The following UST variants were observed in gnomAD, a reference collection of about 807,000 sequenced individuals.
The protein encoded by UST is uronyl 2-sulfotransferase, also known as chondroitin sulfate 2-O-sulfotransferase.
UST carries 21 observed loss-of-function variants against 45.6 expected under a neutral mutation model. The ratio of observed to expected loss-of-function variants is 0.46; its 90% CI spans 0.33 to 0.66. UST has a LOEUF of 0.66. Ranked by LOEUF, UST falls within the 30% of genes least tolerant of loss-of-function variation. The pLI is 0.02. For synonymous variants in UST, 215 were observed against 200.6 expected, an observed-to-expected ratio of 1.07 and a Z score of -0.61; for missense variants, 463 against 512.4, an observed-to-expected ratio of 0.90 and a Z score of 0.93.
At chr6:148,867,418 C>T (rs1778464236) in intron 1 of UST, among the ~76,000 whole-genome samples, 1 of 151,948 alleles carries the variant, frequency 6.6e-6, no homozygotes, top group Non-Finnish European at 1.5e-5. Flanking sequence ...GAGTCATACC[C>T]ATGTTAAAAT....
At chr6:148,909,561 TA>T (rs943922353) in intron 2 of UST, among the ~76,000 whole-genome samples, 23 of 152,332 alleles carry the variant, frequency 1.5e-4, no homozygotes, top group African/African-American at 5.3e-4. Flanking sequence ...AGTTTTTGTT[TA>T]GTTTTTGTTT....
chr6:148,764,688 T>G (rs553289598), intron 1 of UST, among the ~76,000 whole-genome samples: 2 of 152,142 alleles, frequency 1.3e-5, no homozygotes, highest in South Asian at 2.1e-4. Flanking sequence ...TTATTAGCAG[T>G]TTTCAAAGGG....
intron 4 of UST, among the ~76,000 whole-genome samples, chr6:148,957,387 T>C (rs1201687316): frequency 6.6e-6 from 1 of 152,242 alleles, no homozygotes; most frequent in Non-Finnish European, 1.5e-5. Context: ...AAAATTTCTC[T>C]GTCAATATGC....
intron 1 of UST, among the ~76,000 whole-genome samples, chr6:148,773,340 A>T (rs946145808): frequency 6.6e-6 from 1 of 152,090 alleles, no homozygotes; most frequent in African/African-American, 2.4e-5. Flanking sequence ...AGATGCCTTT[A>T]ATCCCAGCTA....
At chr6:148,944,927 CA>C (rs1253685236) in intron 3 of UST, among the ~76,000 whole-genome samples, 1 of 151,824 alleles carries the variant, frequency 6.6e-6, no homozygotes, top group Non-Finnish European at 1.5e-5. Flanking sequence ...ATGTGATTGC[CA>C]AAAAAACACA....
Position 148,748,076 on chromosome 6 carries a change from T to G in UST, c.247+399T>G, listed in dbSNP as rs977316608. Among the ~76,000 whole-genome samples the G allele has an allele frequency of 3.3e-5, 5 of 152,018 alleles. No homozygotes were observed. In the East Asian group the frequency reaches 5.8e-4, roughly 18 times the overall value. On this transcript the variant is annotated intron_variant, in intron 1 of 7. Coordinates refer to ENST00000367463, the MANE Select transcript of UST (RefSeq NM_005715.3). The surrounding 1 kb of genome is among the most constrained non-coding windows in gnomAD (Gnocchi z 5.3). ...GAAGGGAAGGTCCTCTTCGTTGCATTGTTAGTGACCGCAGTTCAGTCCCGT... is the reference window on the plus strand; with the variant it reads ...GAAGGGAAGGTCCTCTTCGTTGCATGGTTAGTGACCGCAGTTCAGTCCCGT...
intron 5 of UST, among the ~76,000 whole-genome samples, chr6:149,011,331 C>T (rs368062428): frequency 2.6e-4 from 39 of 151,812 alleles, no homozygotes; most frequent in Non-Finnish European, 3.4e-4. Context: ...ATGGCAGTGG[C>T]GGGGAGAAGT....
intron 1 of UST, among the ~76,000 whole-genome samples, chr6:148,808,024 G>T (rs1469573800): frequency 6.6e-6 from 1 of 152,202 alleles, no homozygotes; most frequent in Admixed American, 6.5e-5. Flanking sequence ...CGGTGGGGAA[G>T]CCAGGGTGGG....
chr6:148,933,906 C>T (rs1451055205), intron 2 of UST, among the ~76,000 whole-genome samples: 14 of 152,164 alleles, frequency 9.2e-5, no homozygotes, highest in Non-Finnish European at 1.6e-4. Flanking sequence ...AAACTGGGAA[C>T]GCCTATGGAG....
intron 6 of UST, among the ~76,000 whole-genome samples, chr6:149,020,178 C>T (rs1443651861): frequency 1.3e-5 from 2 of 152,152 alleles, no homozygotes; most frequent in East Asian, 1.9e-4. Flanking sequence ...CGTTTTTAGG[C>T]GTATTGTTGT....
chr6:148,899,679 AAC>A (rs1476709873), intron 2 of UST, among the ~76,000 whole-genome samples: 2 of 152,276 alleles, frequency 1.3e-5, no homozygotes, highest in Non-Finnish European at 2.9e-5. Context: ...GCATGCACGT[AAC>A]ACACAGAGTT....
At chr6:149,041,686 C>T (rs978155917) in intron 7 of UST, among the ~76,000 whole-genome samples, 5 of 152,192 alleles carry the variant, frequency 3.3e-5, no homozygotes. Flanking sequence ...GAGACCATGA[C>T]CAGAACAAAG....
intron 5 of UST, among the ~76,000 whole-genome samples, chr6:148,984,760 T>G (rs537622346): frequency 6.6e-6 from 1 of 152,282 alleles, no homozygotes; most frequent in African/African-American, 2.4e-5. Context: ...CTTTCTGCCT[T>G]GGCCTCCCAG....
chr6:148,755,964 G>A lies in UST; in HGVS notation c.247+8287G>A, dbSNP rs553494616. Among the ~76,000 whole-genome samples, 5 of 151,422 alleles carry A rather than the reference G, an allele frequency of 3.3e-5. No homozygotes were observed. The East Asian group carries it at 7.8e-4, about 24-fold the overall frequency. On this transcript the variant is annotated intron_variant, in intron 1 of 7. Transcript: ENST00000367463. ...CTTGGTGTGCTGCACCCATTAACTCGTCATTTACATTAGGTATATCTCCTA... is the reference window on the plus strand; with the variant it reads ...CTTGGTGTGCTGCACCCATTAACTCATCATTTACATTAGGTATATCTCCTA...
chr6:148,830,068 T>TG (rs1777652313), intron 1 of UST, among the ~76,000 whole-genome samples: 1 of 152,104 alleles, frequency 6.6e-6, no homozygotes, highest in African/African-American at 2.4e-5. Context: ...GCTGGGTGAG[T>TG]GAAAAACAGC....
At chr6:148,963,489 C>A (rs1458161548) in intron 4 of UST, among the ~76,000 whole-genome samples, 1 of 152,190 alleles carries the variant, frequency 6.6e-6, no homozygotes, top group Admixed American at 6.5e-5. Flanking sequence ...TCGGGAAGAC[C>A]TTGTTCTTGG....
Position 148,921,847 on chromosome 6 carries a change from G to A in UST, c.292-19432G>A, listed in dbSNP as rs188631105. 4.1e-4 allele frequency among the ~76,000 whole-genome samples: 62 copies of A among 152,134 alleles called. 1 individual carries two copies. The East Asian group carries it at 9.7e-3, about 24-fold the overall frequency. ...CCTCCAGTTGGCTGTCCCCACTGCC[G>A]CCACCCATGCCCCACTCTTCCACCC... On this transcript the variant is annotated intron_variant, in intron 2 of 7. Coordinates refer to ENST00000367463, the MANE Select transcript of UST (RefSeq NM_005715.3).
At chr6:149,005,234 C>T (rs1006661812) in intron 5 of UST, 6 of 957,752 alleles carry the variant, frequency 6.3e-6, no homozygotes, top group Non-Finnish European at 7.5e-6. Flanking sequence ...ACCTCCCCAA[C>T]AGACCCTCTG....
intron 7 of UST, among the ~76,000 whole-genome samples, chr6:149,068,135 G>A (rs926070831): frequency 2.6e-5 from 4 of 152,076 alleles, no homozygotes; most frequent in African/African-American, 9.7e-5. Context: ...TTAAGTTTGG[G>A]TGCCTCAGTC....
Sources: gnomAD v4.1 joint callset for allele counts (sites outside exome capture counted in the v4.1 genomes callset) on GRCh38, gnomAD v4.1.1 for gene constraint, Gnocchi (gnomAD v3.1) non-coding constraint, MANE v1.5 for transcripts, NCBI Gene and HGNC (gene_info 2026-07-23, HGNC 2026-07-21) for gene names.